The following LRTM1 variants were observed in gnomAD, a reference collection of about 807,000 sequenced individuals.
LRTM1 encodes the protein leucine-rich repeat and transmembrane domain-containing protein 1.
Under a neutral mutation model 32.4 loss-of-function variants are expected in LRTM1, and 38 were observed. The observed-to-expected ratio is 1.17, with a 90% confidence interval of 0.91 to 1.54. The LOEUF is 1.54. Ranked by LOEUF, LRTM1 falls within the 40% of genes most tolerant of loss-of-function variation. LRTM1 has a pLI of 0.00. For missense variants in LRTM1, 466 were observed against 415.4 expected (o/e 1.12, Z -1.06); for synonymous variants, 186 against 169.9 (o/e 1.09, Z -0.74).
intron 1 of LRTM1, among the ~76,000 whole-genome samples, chr3:54,954,785 A>G (rs1042378491): frequency 2.6e-5 from 4 of 152,122 alleles, no homozygotes; most frequent in Admixed American, 2.0e-4. Flanking sequence ...GGCCTTAAGC[A>G]TGGAATGCTT....
At chr3:54,954,305 T>TC (rs1701828142) in intron 1 of LRTM1, among the ~76,000 whole-genome samples, 1 of 152,136 alleles carries the variant, frequency 6.6e-6, no homozygotes, top group African/African-American at 2.4e-5. Context: ...CACGAACACT[T>TC]CCCCACTGAG....
At chr3:54,931,195 C>T (rs1390423274), upstream of LRTM1, among the ~76,000 whole-genome samples, 1 of 152,142 alleles carries the variant, frequency 6.6e-6, no homozygotes, top group Non-Finnish European at 1.5e-5. Context: ...ACACGAATGC[C>T]CAGGAAACTC....
intron 1 of LRTM1, among the ~76,000 whole-genome samples, chr3:54,940,740 T>C (rs1701445306): frequency 6.6e-6 from 1 of 152,236 alleles, no homozygotes; most frequent in African/African-American, 2.4e-5. Context: ...GCATTTATTC[T>C]GTGCTTGATA....
chr3:54,927,652 A>G (rs1364531569), intron 1 of LRTM1, among the ~76,000 whole-genome samples: 1 of 152,184 alleles, frequency 6.6e-6, no homozygotes, highest in African/African-American at 2.4e-5. Flanking sequence ...TACAAGCACC[A>G]TGTTTCCTAT....
intron 1 of LRTM1, among the ~76,000 whole-genome samples, chr3:54,964,683 A>G (rs959179178): frequency 9.9e-5 from 15 of 152,194 alleles, no homozygotes; most frequent in Non-Finnish European, 2.1e-4. Flanking sequence ...AACTAAGGAA[A>G]ATAGTGAAAG....
chr3:54,966,921 C>T (rs1382007883), intron 1 of LRTM1: 1 of 152,168 alleles, frequency 6.6e-6, no homozygotes, highest in Admixed American at 6.5e-5. Flanking sequence ...AAAAAGCAAG[C>T]ATTTACCTAT....
At chr3:54,949,656 T>C (rs750669161) in intron 1 of LRTM1, among the ~76,000 whole-genome samples, 1 of 152,216 alleles carries the variant, frequency 6.6e-6, no homozygotes. Context: ...CTAATTGTGT[T>C]GCAAACAGTA....
Position 54,952,953 on chromosome 3 carries a change from C to T in LRTM1, c.-222+13975G>A, listed in dbSNP as rs17054605. Reference sequence around the variant, plus strand: ...GGAAACTTTTCATAGGGATTTGAAGCCTAATGTTCCTGAAGGTGACATGGA... The same window carrying T: ...GGAAACTTTTCATAGGGATTTGAAGTCTAATGTTCCTGAAGGTGACATGGA... On this transcript the variant is annotated intron_variant, in intron 1 of 2. Coordinates refer to the LRTM1 transcript ENST00000493075. 5.7e-3 allele frequency among the ~76,000 whole-genome samples: 874 copies of T among 152,196 alleles called. 12 individuals carry two copies. Among genetic ancestry groups the T allele is most frequent in the African/African-American group, 0.019 (783 of 41,516 alleles).
At chr3:54,925,362 C>G (rs1340263435) in intron 1 of LRTM1, 147 bp from the exon 2 acceptor site, 1 of 656,294 alleles carries the variant, frequency 1.5e-6, no homozygotes, top group Non-Finnish European at 2.6e-6. Flanking sequence ...CACTCACCGT[C>G]TTTAGTAGAG....
intron 1 of LRTM1, among the ~76,000 whole-genome samples, chr3:54,934,229 C>T (rs1701274096): frequency 6.6e-6 from 1 of 152,144 alleles, no homozygotes; most frequent in South Asian, 2.1e-4. Context: ...TCATTTTATG[C>T]CCTAAGGTCA....
At chr3:54,946,666 G>C (rs1701622186) in intron 1 of LRTM1, among the ~76,000 whole-genome samples, 1 of 152,194 alleles carries the variant, frequency 6.6e-6, no homozygotes, top group East Asian at 1.9e-4. Flanking sequence ...GCAAACCTGG[G>C]GGGAGCTAGC....
intron 1 of LRTM1, among the ~76,000 whole-genome samples, chr3:54,941,055 A>G (rs1449188681): frequency 6.6e-6 from 1 of 152,230 alleles, no homozygotes; most frequent in Non-Finnish European, 1.5e-5. Flanking sequence ...CCAGTGATTA[A>G]AGCAAATCAA....
chr3:54,924,961 T>A lies in LRTM1; in HGVS notation c.262A>T (p.Asn88Tyr). 6.2e-7 allele frequency: 1 copy of A among 1,610,924 alleles called. No homozygotes were observed. The highest frequency in any genetic ancestry group is 8.5e-7 in the Non-Finnish European group (1 of 1,177,304). Reference sequence around the variant, plus strand: ...CCATGGAAAGCTCCAGGGGCCAGATTTGAAAGGGAATTGTTGGACAAGTTT... The same window carrying A: ...CCATGGAAAGCTCCAGGGGCCAGATATGAAAGGGAATTGTTGGACAAGTTT... ...TLNLSNNSLS[N>Y]LAPGAFHGLQ... Residue 88 changes from asparagine (N) to tyrosine (Y), a missense_variant, in exon 2 of 3, where the codon AAT becomes TAT. Coordinates refer to ENST00000273286, the MANE Select transcript of LRTM1 (RefSeq NM_020678.4).
At chr3:54,925,281 G>T in intron 1 of LRTM1, 66 bp from the exon 2 acceptor site, 1 of 1,337,496 alleles carries the variant, frequency 7.5e-7, no homozygotes, top group Non-Finnish European at 1.0e-6. Flanking sequence ...GCACTTTTCC[G>T]CCTTTGAATT....
intron 1 of LRTM1, among the ~76,000 whole-genome samples, chr3:54,925,510 G>A (rs9848491): frequency 1.3e-5 from 2 of 152,092 alleles, no homozygotes; most frequent in East Asian, 3.9e-4. Flanking sequence ...CAAATAGAAG[G>A]GTGAAAAAAA....
intron 1 of LRTM1, among the ~76,000 whole-genome samples, chr3:54,961,747 G>T (rs954045363): frequency 6.6e-6 from 1 of 152,170 alleles, no homozygotes; most frequent in African/African-American, 2.4e-5. Flanking sequence ...ACCTTGTCCT[G>T]AGTATGCATG....
chr3:54,920,754 C>G (rs928628963), intron 2 of LRTM1, among the ~76,000 whole-genome samples: 1 of 152,176 alleles, frequency 6.6e-6, no homozygotes, highest in Admixed American at 6.5e-5. Flanking sequence ...AGACTTCTAT[C>G]AGGGGAAGCA....
upstream of LRTM1, among the ~76,000 whole-genome samples, chr3:54,932,054 C>T (rs558692560): frequency 4.6e-5 from 7 of 152,060 alleles, no homozygotes; most frequent in South Asian, 4.2e-4. Flanking sequence ...TGGTGGTGAG[C>T]GCCTATAGTC....
rs76225767 is a variant in LRTM1 at position 54,955,749 on chromosome 3, G to T, written c.-222+11179C>A. 2.0e-5 allele frequency among the ~76,000 whole-genome samples: 3 copies of T among 152,194 alleles called. No homozygotes were observed. In the East Asian group the frequency reaches 5.8e-4, roughly 30 times the overall value. On this transcript the variant is annotated intron_variant, in intron 1 of 2. Coordinates refer to the LRTM1 transcript ENST00000493075. Reference sequence around the variant, plus strand: ...ACCGAGGGGGCTTTTTTGGGTATTGGCCCTGCTGAGAAGGAGTTGGAGTTG... The same window carrying T: ...ACCGAGGGGGCTTTTTTGGGTATTGTCCCTGCTGAGAAGGAGTTGGAGTTG...
Sources: allele counts gnomAD v4.1 joint callset (sites outside exome capture counted in the v4.1 genomes callset), GRCh38; gene constraint gnomAD v4.1.1; transcripts MANE v1.5; gene names NCBI Gene and HGNC (gene_info 2026-07-23, HGNC 2026-07-21).